Variants in ATF1 observed in about 807,000 individuals in gnomAD.
ATF1 encodes the protein activating transcription factor 1, also known as cyclic AMP-dependent transcription factor ATF-1.
In ATF1, 16 loss-of-function variants were observed where a neutral mutation model predicts 34.7. That is an observed-to-expected ratio of 0.46 (90% confidence interval 0.31 to 0.70). ATF1 has a LOEUF of 0.70. Ranked by LOEUF, ATF1 falls within the 30% of genes least tolerant of loss-of-function variation. The pLI, the probability that ATF1 is intolerant of heterozygous loss-of-function variation, is 0.05. For synonymous variants in ATF1, 105 were observed against 113.1 expected, an observed-to-expected ratio of 0.93 and a Z score of 0.46; for missense variants, 255 against 321.6, an observed-to-expected ratio of 0.79 and a Z score of 1.58.
At chr12:50,776,493 T>TAA (rs771176201) in intron 1 of ATF1, among the ~76,000 whole-genome samples, 11 of 116,868 alleles carry the variant, frequency 9.4e-5, no homozygotes, top group African/African-American at 2.2e-4. Flanking sequence ...ACCCTGTCTT[T>TAA]AAAAAAAAAA....
In ATF1 at chr12:50,809,550, G is replaced by A. The variant is rs369352834; in HGVS notation, c.289G>A (p.Val97Ile). The change falls in exon 4 of 7, where the codon GTT (valine) becomes ATT (isoleucine). Residue 97 changes from valine (V) to isoleucine (I), a missense_variant. Coordinates refer to ENST00000262053, the MANE Select transcript of ATF1 (RefSeq NM_005171.5). ...TTCTGCTGCTGTCACTTCTATGTCT[G>A]TTCCAACTCCCATCTATCAGACTAG... ...GVSAAVTSMS[V>I]PTPIYQTSSG... 1.5e-5 allele frequency: 25 copies of A among 1,613,666 alleles called. No individual in the cohort carries two copies. Among genetic ancestry groups the A allele is most frequent in the Middle Eastern group, 3.3e-4 (2 of 6,068 alleles).
Position 50,814,027 on chromosome 12 carries a change from G to A in ATF1, c.346G>A (p.Gly116Arg). 6.2e-7 allele frequency: 1 copy of A among 1,612,744 alleles called. No homozygotes were observed. Among genetic ancestry groups the A allele is most frequent in the Non-Finnish European group, 8.5e-7 (1 of 1,179,652 alleles). The change falls in exon 5 of 7, where the codon GGA becomes AGA. Residue 116 changes from glycine to arginine, a missense_variant. Gly to Arg is a moderately radical substitution (Grantham distance 125). Transcript: ENST00000262053. ...GATTAAAGTTGCCATTGCCCCAAAT[G>A]GAGCCTTACAGTTGGCAAGTCCAGG... ...SGQYIAIAPN[G>R]ALQLASPGTD...
chr12:50,786,548 G>A (rs919634064), intron 2 of ATF1, among the ~76,000 whole-genome samples: 8 of 152,090 alleles, frequency 5.3e-5, no homozygotes, highest in African/African-American at 1.9e-4. Context: ...GAATGCCTTG[G>A]TAGGTGGTAC....
intron 3 of ATF1, among the ~76,000 whole-genome samples, chr12:50,801,117 A>G (rs1251311332): frequency 6.6e-6 from 1 of 152,200 alleles, no homozygotes; most frequent in Non-Finnish European, 1.5e-5. Flanking sequence ...AATCAATTTG[A>G]TGGCTGAAAA....
intron 1 of ATF1, among the ~76,000 whole-genome samples, chr12:50,765,883 C>T (rs1297761711): frequency 6.6e-6 from 1 of 152,150 alleles, no homozygotes; most frequent in Non-Finnish European, 1.5e-5. Context: ...CCTTGTTTAG[C>T]CTATCATTGA....
At position 50,779,843 on chromosome 12, in the gene ATF1, A is replaced by G. The variant is rs374425913; in HGVS notation, c.-6-297A>G. Reference sequence around the variant, plus strand: ...AGAAACTTCCCTAGACTAGAGACAGATATGTTTGTGTCCATAGACAGGAGG... The same window carrying G: ...AGAAACTTCCCTAGACTAGAGACAGGTATGTTTGTGTCCATAGACAGGAGG... On this transcript the variant is annotated intron_variant, in intron 1 of 6. Transcript: ENST00000262053. 1.4e-4 allele frequency among the ~76,000 whole-genome samples: 21 copies of G among 152,296 alleles called. No homozygotes were observed. In the South Asian group the frequency reaches 3.1e-3, roughly 23 times the overall value.
intron 3 of ATF1, 74 bp from the exon 4 acceptor site, chr12:50,809,382 A>T: frequency 1.6e-6 from 2 of 1,269,734 alleles, no homozygotes; most frequent in African/African-American, 3.2e-5. Flanking sequence ...TCAAAAAAAA[A>T]AAAAAAAAAA....
At chr12:50,785,201 TC>T (rs765163728) in intron 2 of ATF1, among the ~76,000 whole-genome samples, 52 of 149,802 alleles carry the variant, frequency 3.5e-4, no homozygotes, top group Non-Finnish European at 6.5e-4. Flanking sequence ...GTGGGAGGAC[TC>T]CTTGAGCCCA....
intron 1 of ATF1, among the ~76,000 whole-genome samples, chr12:50,776,666 G>A (rs1479592287): frequency 1.3e-5 from 2 of 151,772 alleles, no homozygotes; most frequent in African/African-American, 4.8e-5. Flanking sequence ...TTTCTTACGT[G>A]CTTTTGATAA....
chr12:50,817,282 G>A (rs565806878), intron 6 of ATF1, among the ~76,000 whole-genome samples: 1 of 151,940 alleles, frequency 6.6e-6, no homozygotes, highest in Non-Finnish European at 1.5e-5. Context: ...TAAAAATGGG[G>A]GGAAAAAAGA....
At chr12:50,783,866 GAAA>G (rs34062008) in intron 2 of ATF1, among the ~76,000 whole-genome samples, 13 of 129,730 alleles carry the variant, frequency 1.0e-4, no homozygotes, top group East Asian at 2.7e-4. Context: ...AACTCCGTCT[GAAA>G]AAAAAAAAAA....
intron 1 of ATF1, among the ~76,000 whole-genome samples, chr12:50,773,536 G>A (rs1468435711): frequency 2.4e-5 from 3 of 125,666 alleles, no homozygotes; most frequent in East Asian, 2.6e-4. Flanking sequence ...TACAACCTCC[G>A]CCTCCTGGGC....
intron 1 of ATF1, among the ~76,000 whole-genome samples, chr12:50,765,579 C>A (rs965122087): frequency 2.6e-5 from 4 of 152,098 alleles, no homozygotes; most frequent in African/African-American, 7.2e-5. Flanking sequence ...TAGAACAACT[C>A]CATCTTAAAC....
rs1941921550 is a variant in ATF1 at position 50,820,169 on chromosome 12, T to C, written c.*390T>C. 2 of 222,706 alleles carry C rather than the reference T, an allele frequency of 9.0e-6. No individual in the cohort carries two copies. The highest frequency in any genetic ancestry group is 5.6e-5 in the Admixed American group (1 of 17,910). The allele number at this position is 222,706 out of a possible 1,614,324, so 13.8% of individuals were successfully genotyped here. A position where few individuals can be genotyped will look rare whatever the true frequency, so the allele number is the denominator to read the frequency against. ...GCTGAAATTTACCTTTTTTTAGTTA[T>C]ATATATGTGTGTGTGTGTGTGTAAT... is the stretch of plus-strand genomic sequence containing the variant. On this transcript the variant is annotated 3_prime_UTR_variant, in exon 7 of 7. Transcript: ENST00000262053.
intron 2 of ATF1, among the ~76,000 whole-genome samples, chr12:50,782,551 G>A (rs7307788): frequency 0.24 from 34,321 of 141,218 alleles, 5,007 homozygotes; most frequent in Non-Finnish European, 0.31. Context: ...CACCACACCC[G>A]GCCTTTTTTT....
In ATF1 at chr12:50,814,226, A is replaced by G. The variant is rs1046566567; in HGVS notation, c.511+34A>G. Reference sequence around the variant, plus strand: ...GCTTTCTGTCTACAGAAAGTCTCCTAACACTGTCAGAGACACTTACTAACT... The same window carrying G: ...GCTTTCTGTCTACAGAAAGTCTCCTGACACTGTCAGAGACACTTACTAACT... On this transcript the variant is annotated intron_variant, in intron 5 of 6. Coordinates refer to ENST00000262053, the MANE Select transcript of ATF1 (RefSeq NM_005171.5). 5 of 1,613,396 alleles carry G rather than the reference A, an allele frequency of 3.1e-6. No individual in the cohort carries two copies. The Admixed American group carries it at 5.0e-5, about 16-fold the overall frequency.
At chr12:50,770,360 A>G (rs113800190) in intron 1 of ATF1, among the ~76,000 whole-genome samples, 18 of 152,332 alleles carry the variant, frequency 1.2e-4, no homozygotes, top group African/African-American at 4.3e-4. Flanking sequence ...CCTTGCCTAC[A>G]CAGTGCCTGT....
At chr12:50,770,237 T>C (rs1940738467) in intron 1 of ATF1, among the ~76,000 whole-genome samples, 1 of 152,234 alleles carries the variant, frequency 6.6e-6, no homozygotes, top group African/African-American at 2.4e-5. Context: ...CAGAATACAA[T>C]TGGAGAAAGT....
intron 1 of ATF1, among the ~76,000 whole-genome samples, chr12:50,776,139 C>G: frequency 6.6e-6 from 1 of 151,720 alleles, no homozygotes; most frequent in South Asian, 2.1e-4. Context: ...AGTGAAACCC[C>G]GTCTTTACTA....
Sources: allele counts gnomAD v4.1 joint callset (sites outside exome capture counted in the v4.1 genomes callset), GRCh38; gene constraint gnomAD v4.1.1; transcripts MANE v1.5; gene names NCBI Gene and HGNC (gene_info 2026-07-23, HGNC 2026-07-21).